The following KIF11 variants were observed in gnomAD, a reference collection of about 807,000 sequenced individuals.
KIF11 encodes kinesin family member 11, also known as kinesin-like protein KIF11.
A neutral mutation model predicts 121.0 loss-of-function variants in KIF11; 9 were observed. The ratio of observed to expected loss-of-function variants is 0.07; its 90% CI spans 0.04 to 0.13. KIF11 has a LOEUF of 0.13. Ranked by LOEUF, KIF11 falls within the 10% of genes least tolerant of loss-of-function variation. The pLI, the probability that KIF11 is intolerant of heterozygous loss-of-function variation, is 1.00. For synonymous variants in KIF11, 408 were observed against 421.0 expected (o/e 0.97, Z 0.38); for missense variants, 846 against 1,217.5 (o/e 0.69, Z 4.54).
chr10:92,652,111 G>A (rs1403489032), intron 21 of KIF11, among the ~76,000 whole-genome samples: 5 of 151,396 alleles, frequency 3.3e-5, no homozygotes, highest in African/African-American at 1.2e-4. Context: ...GCGCCTGGCT[G>A]CTTGTACCTT....
chr10:92,640,199 T>C (rs1002690875), intron 17 of KIF11, among the ~76,000 whole-genome samples: 3 of 152,232 alleles, frequency 2.0e-5, no homozygotes, highest in Non-Finnish European at 4.4e-5. Context: ...ATATTACTGA[T>C]GAAAAATATA....
rs1564700197 is a variant in KIF11 at position 92,593,352 on chromosome 10, C to G, written c.-24C>G. 3 of 1,598,828 alleles carry G rather than the reference C, an allele frequency of 1.9e-6. No individual in the cohort carries two copies. The highest frequency in any genetic ancestry group is 2.6e-6 in the Non-Finnish European group (3 of 1,173,784). On this transcript the variant is annotated 5_prime_UTR_variant, in exon 1 of 22. Coordinates refer to ENST00000260731, the MANE Select transcript of KIF11 (RefSeq NM_004523.4). ...ACAGCGCCCAGGTCCGCGGCCGGGC[C>G]TTGATTTTTTGGCGGGGACCGTCAT...
chr10:92,651,664 C>T (rs1205795306), intron 21 of KIF11, among the ~76,000 whole-genome samples: 2 of 151,094 alleles, frequency 1.3e-5, no homozygotes, highest in Non-Finnish European at 3.0e-5. Flanking sequence ...ACCGGCCCGG[C>T]CCCTCCTACC....
intron 8 of KIF11, among the ~76,000 whole-genome samples, chr10:92,615,312 G>A (rs1405002414): frequency 6.6e-6 from 1 of 151,936 alleles, no homozygotes; most frequent in Non-Finnish European, 1.5e-5. Flanking sequence ...AGGCTGAGGC[G>A]GGAGAGTTGC....
rs886709413 is a variant in KIF11 at position 92,622,174 on chromosome 10, T to A, written c.1217+701T>A. On this transcript the variant is annotated intron_variant, in intron 10 of 21. Transcript: ENST00000260731. ...CCGTAATCATAGCTACTCCAGAGGC[T>A]GAGGCAGGAGAATTGCTTGAAGCTG... Among the ~76,000 whole-genome samples, 7 of 152,166 alleles carry A rather than the reference T, an allele frequency of 4.6e-5. No individual in the cohort carries two copies. The East Asian group carries it at 9.6e-4, about 21-fold the overall frequency.
intron 16 of KIF11, among the ~76,000 whole-genome samples, chr10:92,639,416 C>G (rs1439695844): frequency 6.6e-6 from 1 of 152,010 alleles, no homozygotes; most frequent in African/African-American, 2.4e-5. Flanking sequence ...AGCGAGATCA[C>G]GTCTCTACAA....
chr10:92,596,311 C>T (rs569964356), intron 1 of KIF11, among the ~76,000 whole-genome samples: 4 of 152,208 alleles, frequency 2.6e-5, no homozygotes, highest in African/African-American at 4.8e-5. Context: ...CCTTGAGTTA[C>T]TTCTTACTTT....
At chr10:92,621,156 T>C (rs1178879316) in intron 9 of KIF11, among the ~76,000 whole-genome samples, 1 of 152,238 alleles carries the variant, frequency 6.6e-6, no homozygotes, top group Non-Finnish European at 1.5e-5. Context: ...GTGGTTTTTC[T>C]TGGGAAGTCC....
chr10:92,633,023 G>A (rs538095500), intron 13 of KIF11, among the ~76,000 whole-genome samples: 3 of 151,926 alleles, frequency 2.0e-5, no homozygotes, highest in Non-Finnish European at 4.4e-5. Context: ...AATTTCTTGG[G>A]CCTTTTTCTG....
At chr10:92,606,801 G>A in intron 3 of KIF11, 85 bp downstream of exon 3, 1 of 811,914 alleles carries the variant, frequency 1.2e-6, no homozygotes, top group South Asian at 1.4e-5. Flanking sequence ...TTTTGAGACG[G>A]AGTTTCACTC....
chr10:92,628,817 TG>T lies in KIF11; in HGVS notation c.1229del (p.Gly410GlufsTer3). 1 of 1,583,122 alleles carries T rather than the reference TG, an allele frequency of 6.3e-7. No homozygotes were observed. The highest frequency in any genetic ancestry group is 2.1e-4 in the Middle Eastern group (1 of 4,692). ...TTAAACTTTATTTTAGAGTCATGAG[TG>T]GAAAATTAACTGTTCAAGAAGAGCA... is the stretch of plus-strand genomic sequence containing the variant. ...ISEENFRVMSGKLTVQEEQIV... is the reference protein window; with the variant it reads ...ISEENFRVMSXKLTVQEEQIV... On this transcript the variant is annotated frameshift_variant, in exon 11 of 22. Transcript: ENST00000260731. LOFTEE classifies it high-confidence loss of function.
At chr10:92,637,091 T>C in intron 14 of KIF11, 93 bp from the exon 15 acceptor site, 3 of 975,930 alleles carry the variant, frequency 3.1e-6, no homozygotes, top group Non-Finnish European at 4.4e-6. Flanking sequence ...ATGTGAATGT[T>C]TAGCTACCAA....
chr10:92,614,442 A>G (rs1425599028), intron 8 of KIF11, among the ~76,000 whole-genome samples: 1 of 152,202 alleles, frequency 6.6e-6, no homozygotes, highest in Admixed American at 6.5e-5. Context: ...TGGACATTGC[A>G]TATGAATATA....
chr10:92,625,076 CTGTTT>C (rs1844658906), intron 10 of KIF11, among the ~76,000 whole-genome samples: 2 of 151,804 alleles, frequency 1.3e-5, no homozygotes, highest in African/African-American at 4.8e-5. Context: ...GCCGGTATTT[CTGTTT>C]TAAGTTCTTT....
intron 1 of KIF11, among the ~76,000 whole-genome samples, chr10:92,601,994 C>T (rs954667040): frequency 1.3e-5 from 2 of 152,084 alleles, no homozygotes; most frequent in Admixed American, 1.3e-4. Flanking sequence ...TGAATTTTGT[C>T]ACATGCTTTT....
intron 8 of KIF11, among the ~76,000 whole-genome samples, chr10:92,616,280 C>G (rs1844556989): frequency 6.6e-6 from 1 of 151,654 alleles, no homozygotes; most frequent in African/African-American, 2.4e-5. Context: ...TCACTGTAAC[C>G]TCAACCTCCT....
intron 12 of KIF11, 27 bp downstream of exon 12, chr10:92,630,391 CATATT>C: frequency 1.4e-6 from 2 of 1,429,964 alleles, no homozygotes; most frequent in Non-Finnish European, 9.3e-7. Flanking sequence ...GATTTGTACT[CATATT>C]AAGTAGAGAA....
At chr10:92,604,220 A>G (rs1325692544) in intron 1 of KIF11, among the ~76,000 whole-genome samples, 1 of 152,230 alleles carries the variant, frequency 6.6e-6, no homozygotes, top group Non-Finnish European at 1.5e-5. Flanking sequence ...GAGTACACAT[A>G]GTCCCTAAAG....
At chr10:92,633,972 T>C (rs1358906087) in intron 14 of KIF11, among the ~76,000 whole-genome samples, 177 bp downstream of exon 14, 1 of 152,064 alleles carries the variant, frequency 6.6e-6, no homozygotes, top group East Asian at 1.9e-4. Flanking sequence ...CATATATATA[T>C]ATTTTGTTTT....
Sources: gnomAD v4.1 joint callset for allele counts (sites outside exome capture counted in the v4.1 genomes callset) on GRCh38, gnomAD v4.1.1 for gene constraint, MANE v1.5 for transcripts, NCBI Gene and HGNC (gene_info 2026-07-23, HGNC 2026-07-21) for gene names.